Variants in MGMT observed in about 807,000 individuals in gnomAD.
MGMT encodes O-6-methylguanine-DNA methyltransferase, also known as methylated-DNA--protein-cysteine methyltransferase.
Under a neutral mutation model 15.9 loss-of-function variants are expected in MGMT, and 14 were observed. The ratio of observed to expected loss-of-function variants is 0.88; its 90% CI spans 0.58 to 1.37. The LOEUF (loss-of-function observed/expected upper bound fraction) is 1.37, where lower values mean the gene tolerates loss of function less well. Among genes scored for constraint, MGMT ranks in the 40% most tolerant of loss-of-function variants. The pLI, the probability that MGMT is intolerant of heterozygous loss-of-function variation, is 0.00. For missense variants in MGMT, 282 were observed against 268.1 expected (o/e 1.05, Z -0.36); for synonymous variants, 130 against 118.2 (o/e 1.10, Z -0.65).
At chr10:129,597,288 C>A (rs552540579) in intron 2 of MGMT, among the ~76,000 whole-genome samples, 2 of 152,060 alleles carry the variant, frequency 1.3e-5, no homozygotes, top group Non-Finnish European at 2.9e-5. Context: ...CTCAACCTCG[C>A]GTGAAATTGC....
chr10:129,537,815 A>G (rs1376543068), intron 2 of MGMT, among the ~76,000 whole-genome samples: 1 of 152,208 alleles, frequency 6.6e-6, no homozygotes, highest in Non-Finnish European at 1.5e-5. Context: ...TCTCATGAAA[A>G]CACACCTGTG....
Position 129,689,824 on chromosome 10 carries a change from C to T in MGMT, c.126-18071C>T, listed in dbSNP as rs149034219. Among the ~76,000 whole-genome samples the T allele has an allele frequency of 1.6e-4, 25 of 152,274 alleles. No homozygotes were observed. The East Asian group carries it at 4.3e-3, about 26-fold the overall frequency. On this transcript the variant is annotated intron_variant, in intron 2 of 4. Transcript: ENST00000651593. Reference sequence around the variant, plus strand: ...TGTGGGGTTTCAAATCATTGGCTTCCCAGTGCTTTCTGGGCTAGACCAACA... The same window carrying T: ...TGTGGGGTTTCAAATCATTGGCTTCTCAGTGCTTTCTGGGCTAGACCAACA...
At chr10:129,485,649 C>T (rs1001345911) in intron 1 of MGMT, among the ~76,000 whole-genome samples, 3 of 152,196 alleles carry the variant, frequency 2.0e-5, no homozygotes, top group African/African-American at 7.2e-5. Context: ...TGCAAATATT[C>T]CCAAATCCAG....
intron 3 of MGMT, among the ~76,000 whole-genome samples, chr10:129,714,367 C>G (rs565314025): frequency 1.3e-5 from 2 of 152,298 alleles, no homozygotes; most frequent in Admixed American, 6.5e-5. Context: ...GTCATGAGTA[C>G]TTTCTTGCTG....
chr10:129,600,624 A>T (rs1275119556), intron 2 of MGMT, among the ~76,000 whole-genome samples: 1 of 152,188 alleles, frequency 6.6e-6, no homozygotes, highest in Non-Finnish European at 1.5e-5. Flanking sequence ...TCATTGGATT[A>T]CTTGTTTGAA....
At chr10:129,500,993 G>C (rs575563956) in intron 1 of MGMT, among the ~76,000 whole-genome samples, 113 of 152,338 alleles carry the variant, frequency 7.4e-4, no homozygotes, top group Non-Finnish European at 1.2e-3. Context: ...GAGTTGTACA[G>C]ACTTGTAGAG....
intron 2 of MGMT, among the ~76,000 whole-genome samples, chr10:129,621,648 G>A (rs1018886554): frequency 1.3e-5 from 2 of 152,216 alleles, no homozygotes; most frequent in Non-Finnish European, 1.5e-5. Context: ...GAGGTGTTAA[G>A]AAGTGGTTGA....
intron 2 of MGMT, among the ~76,000 whole-genome samples, chr10:129,552,441 A>G (rs946348503): frequency 7.2e-5 from 11 of 152,258 alleles, no homozygotes; most frequent in Admixed American, 3.3e-4. Flanking sequence ...AAATTGCCAC[A>G]GACGTGGGTT....
At chr10:129,484,600 T>C (rs1845389885) in intron 1 of MGMT, among the ~76,000 whole-genome samples, 1 of 152,236 alleles carries the variant, frequency 6.6e-6, no homozygotes, top group Non-Finnish European at 1.5e-5. Context: ...TTTGGTTCTG[T>C]TGAATGATTT....
intron 2 of MGMT, among the ~76,000 whole-genome samples, chr10:129,582,297 G>A (rs756163653): frequency 1.3e-5 from 2 of 152,152 alleles, no homozygotes; most frequent in Non-Finnish European, 2.9e-5. Context: ...TGAACAAGCC[G>A]TTGAGAGTGT....
At chr10:129,706,482 C>T (rs985511745) in intron 2 of MGMT, among the ~76,000 whole-genome samples, 5 of 149,684 alleles carry the variant, frequency 3.3e-5, no homozygotes, top group Non-Finnish European at 7.3e-5. Context: ...TGTGCGTCCA[C>T]AGCATCCACA....
chr10:129,573,457 T>G (rs1846442850), intron 2 of MGMT, among the ~76,000 whole-genome samples: 1 of 152,196 alleles, frequency 6.6e-6, no homozygotes, highest in South Asian at 2.1e-4. Flanking sequence ...AGTCCCTTCC[T>G]ATGGCTTCTA....
chr10:129,656,538 G>A (rs548176820), intron 2 of MGMT, among the ~76,000 whole-genome samples: 3 of 152,362 alleles, frequency 2.0e-5, no homozygotes, highest in Non-Finnish European at 2.9e-5. Context: ...CTGTGACCCA[G>A]CCTCAGGAGG....
At chr10:129,574,563 A>T (rs925336444) in intron 2 of MGMT, among the ~76,000 whole-genome samples, 3 of 152,162 alleles carry the variant, frequency 2.0e-5, no homozygotes, top group Admixed American at 6.5e-5. Flanking sequence ...AGGCATTGAC[A>T]TTTTCTCAGT....
intron 3 of MGMT, among the ~76,000 whole-genome samples, chr10:129,709,494 G>A (rs990319864): frequency 6.6e-6 from 1 of 152,186 alleles, no homozygotes; most frequent in African/African-American, 2.4e-5. Context: ...TCTTTTTGGG[G>A]GTTCGCCTGC....
At chr10:129,624,587 C>T (rs1367004213) in intron 2 of MGMT, among the ~76,000 whole-genome samples, 3 of 152,038 alleles carry the variant, frequency 2.0e-5, no homozygotes, top group African/African-American at 7.2e-5. Flanking sequence ...AGGGAAGACA[C>T]GAAATAGCAA....
intron 3 of MGMT, among the ~76,000 whole-genome samples, chr10:129,718,416 C>G (rs925920480): frequency 6.6e-6 from 1 of 152,044 alleles, no homozygotes; most frequent in African/African-American, 2.4e-5. Flanking sequence ...GTGGCTGCCC[C>G]CCACCCCCAC....
At chr10:129,712,914 G>A (rs1848249003) in intron 3 of MGMT, among the ~76,000 whole-genome samples, 1 of 152,118 alleles carries the variant, frequency 6.6e-6, no homozygotes, top group Admixed American at 6.5e-5. Flanking sequence ...AGGCATATTA[G>A]CCCTCCTCAC....
intron 2 of MGMT, among the ~76,000 whole-genome samples, chr10:129,622,507 T>A (rs1163303109): frequency 6.6e-6 from 1 of 152,244 alleles, no homozygotes; most frequent in Admixed American, 6.5e-5. Flanking sequence ...TCTTTCCTCT[T>A]TGAATTCAGT....
Sources: gnomAD v4.1 joint callset for allele counts (sites outside exome capture counted in the v4.1 genomes callset) on GRCh38, gnomAD v4.1.1 for gene constraint, MANE v1.5 for transcripts, NCBI Gene and HGNC (gene_info 2026-07-23, HGNC 2026-07-21) for gene names.